STAT4: variants seen among roughly 807,000 people sequenced by gnomAD.
STAT4 encodes the protein signal transducer and activator of transcription 4.
In STAT4, 42 loss-of-function variants were observed where a neutral mutation model predicts 110.5. The ratio of observed to expected loss-of-function variants is 0.38; its 90% CI spans 0.30 to 0.49. The LOEUF (loss-of-function observed/expected upper bound fraction) is 0.49. Among genes scored for constraint, STAT4 ranks in the 20% least tolerant of loss-of-function variants. The pLI, the probability that STAT4 is intolerant of heterozygous loss-of-function variation, is 0.95. For missense variants in STAT4, 632 were observed against 887.9 expected (o/e 0.71, Z 3.66); for synonymous variants, 284 against 302.2 (o/e 0.94, Z 0.63).
chr2:191,106,702 A>AAAATAAAATAAAAT (rs1285255213), intron 3 of STAT4, among the ~76,000 whole-genome samples: 9 of 100,178 alleles, frequency 9.0e-5, no homozygotes, highest in East Asian at 2.8e-4. Flanking sequence ...TAAAATAAAA[A>AAAATAAAATAAAAT]AATGTACTCA....
upstream of STAT4, chr2:191,151,512 G>C (rs1302307870): frequency 2.0e-6 from 2 of 985,538 alleles, no homozygotes; most frequent in Non-Finnish European, 2.4e-6. This position sits in a 1 kb window ranked among gnomAD's most constrained non-coding sequence, Gnocchi z 4.7. Flanking sequence ...TGACCCAGAG[G>C]GTTGGGCCAA....
At chr2:191,065,889 C>T (rs1177510921) in intron 7 of STAT4, among the ~76,000 whole-genome samples, 3 of 152,054 alleles carry the variant, frequency 2.0e-5, no homozygotes, top group East Asian at 3.9e-4. Context: ...TTTCCCCTCC[C>T]TAAAAATATT....
chr2:191,073,339 T>C (rs557739429), intron 4 of STAT4, 149 bp from the exon 5 acceptor site: 1 of 637,246 alleles, frequency 1.6e-6, no homozygotes, highest in African/African-American at 1.8e-5. Context: ...AAAAAGTATT[T>C]AATGACATAA....
chr2:191,109,189 C>G, intron 3 of STAT4, among the ~76,000 whole-genome samples: 1 of 151,924 alleles, frequency 6.6e-6, no homozygotes, highest in Non-Finnish European at 1.5e-5. Context: ...TTTCTACAAG[C>G]GAAAAACAGA....
In STAT4 at chr2:191,113,252, G is replaced by A. The variant is rs1162379397; in HGVS notation, c.273+33361C>T. On this transcript the variant is annotated intron_variant, in intron 3 of 23. Transcript: ENST00000392320. This position sits in a 1 kb window ranked among gnomAD's most constrained non-coding sequence, Gnocchi z 4.8. ...TTGTACTGAACAGCAATTATTGCCA[G>A]GCACTGATCTCACTGCTGTGAGTAA... Among the ~76,000 whole-genome samples, 2 of 152,216 alleles carry A rather than the reference G, an allele frequency of 1.3e-5. No homozygotes were observed. Among genetic ancestry groups the A allele is most frequent in the Non-Finnish European group, 2.9e-5 (2 of 68,032 alleles).
chr2:191,095,756 C>T (rs2125320842), intron 3 of STAT4, among the ~76,000 whole-genome samples: 1 of 152,240 alleles, frequency 6.6e-6, no homozygotes, highest in South Asian at 2.1e-4. Context: ...CAAGAAATAA[C>T]TAAGATCAGA....
In STAT4 at chr2:191,034,576, C is replaced by A; in HGVS notation, c.1592G>T (p.Gly531Val). 6.2e-7 allele frequency: 1 copy of A among 1,613,478 alleles called. No homozygotes were observed. Residue 531 changes from glycine to valine, a missense_variant, in exon 18 of 24, where the codon GGT (glycine) becomes GTT (valine). This residue lies in a region of STAT4 where 488 missense variants were observed against 632.8 expected (regional missense o/e 0.77). Coordinates refer to ENST00000392320, the MANE Select transcript of STAT4 (RefSeq NM_003151.4). ...GCAGAACTTGGCCCAGGTGAGGTGA[C>A]CATCACTGTAGCTAGATTGGACTGA... Reference protein sequence around the residue: ...KLTVQSSYSDGHLTWAKFCKE... With the variant: ...KLTVQSSYSDVHLTWAKFCKE...
intron 3 of STAT4, among the ~76,000 whole-genome samples, chr2:191,141,741 CT>C (rs1699342279): frequency 6.6e-6 from 1 of 151,862 alleles, no homozygotes; most frequent in South Asian, 2.1e-4. Flanking sequence ...AGGGATTCTC[CT>C]GCCTCAGCCT....
Position 191,033,431 on chromosome 2 carries a change from C to G in STAT4, c.1852+59G>C. ...ACCATACACTTCCAAAAACTGAAATCCCAGTAACCAAATTTAAGAAAACTA... is the reference window on the plus strand; with the variant it reads ...ACCATACACTTCCAAAAACTGAAATGCCAGTAACCAAATTTAAGAAAACTA... On this transcript the variant is annotated intron_variant, in intron 20 of 23. Transcript: ENST00000392320. The surrounding 1 kb of genome is among the most constrained non-coding windows in gnomAD (Gnocchi z 6.9). The G allele has an allele frequency of 2.6e-6, 4 of 1,551,028 alleles. No homozygotes were observed.
rs765831015 is a variant in STAT4 at position 191,032,758 on chromosome 2, A to G, written c.2044+200T>C. 5 of 557,854 alleles carry G rather than the reference A, an allele frequency of 9.0e-6. No homozygotes were observed. The highest frequency in any genetic ancestry group is 1.5e-5 in the Non-Finnish European group (5 of 323,916). The allele number at this position is 557,854 out of a possible 1,614,324, so 34.6% of individuals were successfully genotyped here. On this transcript the variant is annotated intron_variant, in intron 21 of 23. Coordinates refer to ENST00000392320, the MANE Select transcript of STAT4 (RefSeq NM_003151.4). This position sits in a 1 kb window ranked among gnomAD's most constrained non-coding sequence, Gnocchi z 4.9. ...TAGTTACAGCTGCTTATTACTCGCT[A>G]GTGTTAGAAAGCCCAGCGGTCCCTT...
intron 3 of STAT4, among the ~76,000 whole-genome samples, chr2:191,096,964 T>C (rs2125324393): frequency 6.6e-6 from 1 of 152,294 alleles, no homozygotes; most frequent in East Asian, 1.9e-4. Flanking sequence ...CAAGCATTCT[T>C]ATACACCAAT....
rs775325977 is a variant in STAT4 at position 191,060,351 on chromosome 2, T to C, written c.1034+1378A>G. On this transcript the variant is annotated intron_variant, in intron 10 of 23. Coordinates refer to ENST00000392320, the MANE Select transcript of STAT4 (RefSeq NM_003151.4). The surrounding 1 kb of genome is among the most constrained non-coding windows in gnomAD (Gnocchi z 4.5). ...TCTTATTTCACTCTCCTCCGAGTTA[T>C]ACAGAGATGTCGGAATGAGGAAGGA... Among the ~76,000 whole-genome samples, 4 of 152,238 alleles carry C rather than the reference T, an allele frequency of 2.6e-5. No homozygotes were observed. Among genetic ancestry groups the C allele is most frequent in the Admixed American group, 6.5e-5 (1 of 15,280 alleles).
In STAT4 at chr2:191,066,599, C is replaced by T; in HGVS notation, c.545-84G>A. ...CTCAATCCACCATCCTAAAACAGCC[C>T]TGGCCCGGAGAACTTATGTGGTAAG... On this transcript the variant is annotated intron_variant, in intron 6 of 23. Coordinates refer to ENST00000392320, the MANE Select transcript of STAT4 (RefSeq NM_003151.4). This position sits in a 1 kb window ranked among gnomAD's most constrained non-coding sequence, Gnocchi z 4.3. 1 of 1,282,322 alleles carries T rather than the reference C, an allele frequency of 7.8e-7. No individual in the cohort carries two copies. The highest frequency in any genetic ancestry group is 1.3e-5 in the South Asian group (1 of 77,830). 79.4% of individuals were successfully genotyped at this position (1,282,322 alleles called of 1,614,324 possible).
intron 3 of STAT4, among the ~76,000 whole-genome samples, chr2:191,094,159 C>T (rs1321866493): frequency 6.6e-6 from 1 of 152,206 alleles, no homozygotes; most frequent in Non-Finnish European, 1.5e-5. Flanking sequence ...AGTTGGAAAA[C>T]ACTCTTCAGG....
chr2:191,111,140 A>T (rs1453309026), intron 3 of STAT4, among the ~76,000 whole-genome samples: 3 of 152,208 alleles, frequency 2.0e-5, no homozygotes, highest in Non-Finnish European at 4.4e-5. Context: ...TAAAAAGCAA[A>T]AATATAGATT....
chr2:191,137,625 A>T (rs1699213498), intron 3 of STAT4, among the ~76,000 whole-genome samples: 1 of 152,248 alleles, frequency 6.6e-6, no homozygotes, highest in Admixed American at 6.5e-5. Context: ...GTATATTATA[A>T]GACTATAGTA....
intron 3 of STAT4, 86 bp from the exon 4 acceptor site, chr2:191,076,411 C>A (rs995360405): frequency 4.9e-5 from 45 of 909,092 alleles, no homozygotes; most frequent in Non-Finnish European, 6.5e-5. Context: ...TGAAAAACAA[C>A]AACAATCTCC....
chr2:191,142,821 C>T lies in STAT4; in HGVS notation c.273+3792G>A, dbSNP rs547369707. ...TAGTGTTCAGGGGCTCCGTGGGAAGCGAGAGAAGGATGAATATTGGAGAGG... is the reference window on the plus strand; with the variant it reads ...TAGTGTTCAGGGGCTCCGTGGGAAGTGAGAGAAGGATGAATATTGGAGAGG... On this transcript the variant is annotated intron_variant, in intron 3 of 23. Coordinates refer to ENST00000392320, the MANE Select transcript of STAT4 (RefSeq NM_003151.4). This position sits in a 1 kb window ranked among gnomAD's most constrained non-coding sequence, Gnocchi z 4.1. Among the ~76,000 whole-genome samples the T allele has an allele frequency of 5.3e-5, 8 of 151,788 alleles. No homozygotes were observed. The highest frequency in any genetic ancestry group is 4.2e-4 in the South Asian group (2 of 4,772).
At chr2:191,093,626 G>A (rs963878898) in intron 3 of STAT4, among the ~76,000 whole-genome samples, 7 of 152,160 alleles carry the variant, frequency 4.6e-5, no homozygotes, top group South Asian at 2.1e-4. Flanking sequence ...CCACAAAGCC[G>A]GGGAGAAACA....
Sources: allele counts gnomAD v4.1 joint callset (sites outside exome capture counted in the v4.1 genomes callset), GRCh38; gene constraint gnomAD v4.1.1; regional missense constraint gnomAD v4.1.1; non-coding constraint Gnocchi (gnomAD v3.1); transcripts MANE v1.5; gene names NCBI Gene and HGNC (gene_info 2026-07-23, HGNC 2026-07-21).